The following SAMD12 variants were observed in gnomAD, a reference collection of about 807,000 sequenced individuals.
SAMD12 encodes sterile alpha motif domain-containing protein 12.
A neutral mutation model predicts 15.0 loss-of-function variants in SAMD12; 9 were observed. The observed-to-expected ratio is 0.60, with a 90% CI of 0.36 to 1.05. The LOEUF (loss-of-function observed/expected upper bound fraction) is 1.05. Among genes scored for constraint, SAMD12 ranks in the 50% least tolerant of loss-of-function variants. The pLI is 0.01. For synonymous variants in SAMD12, 86 were observed against 90.1 expected, an observed-to-expected ratio of 0.96 and a Z score of 0.25; for missense variants, 230 against 234.2, an observed-to-expected ratio of 0.98 and a Z score of 0.12.
chr8:118,240,205 T>G (rs955896179), intron 4 of SAMD12, among the ~76,000 whole-genome samples: 4 of 152,136 alleles, frequency 2.6e-5, no homozygotes, highest in African/African-American at 9.7e-5. Context: ...GCAAATATTC[T>G]AGCTCTGGTG....
chr8:118,581,334 T>C (rs541928543), intron 1 of SAMD12, among the ~76,000 whole-genome samples: 2 of 152,342 alleles, frequency 1.3e-5, no homozygotes, highest in East Asian at 3.9e-4. Flanking sequence ...GTCCACTCTC[T>C]TGCATTCATC....
chr8:118,438,773 T>A (rs1822649273), intron 3 of SAMD12, among the ~76,000 whole-genome samples: 1 of 152,166 alleles, frequency 6.6e-6, no homozygotes. Flanking sequence ...GGAAAGAGGT[T>A]TGTCATCGAG....
In SAMD12 at chr8:118,592,920, G is replaced by A. The variant is rs181223162; in HGVS notation, c.14-12027C>T. 4.0e-3 allele frequency among the ~76,000 whole-genome samples: 612 copies of A among 152,274 alleles called. 4 individuals are homozygous for A. The highest frequency in any genetic ancestry group is 0.014 in the African/African-American group (594 of 41,564). On this transcript the variant is annotated intron_variant, in intron 1 of 3. Coordinates refer to ENST00000314727, the MANE Select transcript of SAMD12 (RefSeq NM_207506.3). Reference sequence around the variant, plus strand: ...AAACAGAAGTATCTATCAAACCACAGAAATATGTAAAAGCCATGAGAGGTT... The same window carrying A: ...AAACAGAAGTATCTATCAAACCACAAAAATATGTAAAAGCCATGAGAGGTT...
intron 1 of SAMD12, among the ~76,000 whole-genome samples, chr8:118,592,427 G>A (rs1827605680): frequency 6.6e-6 from 1 of 151,962 alleles, no homozygotes; most frequent in Non-Finnish European, 1.5e-5. Context: ...GTAAATAATG[G>A]GCTTTGGAGT....
intron 4 of SAMD12, among the ~76,000 whole-genome samples, chr8:118,327,546 C>T (rs567246253): frequency 1.6e-4 from 24 of 151,940 alleles, no homozygotes; most frequent in Admixed American, 5.2e-4. Context: ...GGATAAATGT[C>T]GAGGAAGAGG....
intron 1 of SAMD12, among the ~76,000 whole-genome samples, chr8:118,582,867 G>C (rs1276792123): frequency 5.3e-5 from 8 of 150,972 alleles, no homozygotes; most frequent in Admixed American, 4.6e-4. Flanking sequence ...TTCAGAATTA[G>C]CTGATTTGCA....
chr8:118,196,359 T>G (rs1201978319), exon 5 of SAMD12: 8 of 152,322 alleles, frequency 5.3e-5, no homozygotes, highest in Admixed American at 3.3e-4. Context: ...GAGCTTTCCA[T>G]TCAACCAACT....
chr8:118,227,823 C>T (rs1812220744), intron 4 of SAMD12, among the ~76,000 whole-genome samples: 1 of 152,086 alleles, frequency 6.6e-6, no homozygotes, highest in African/African-American at 2.4e-5. Flanking sequence ...TTAGACATAG[C>T]CAAAGCAAGA....
intron 4 of SAMD12, among the ~76,000 whole-genome samples, chr8:118,332,834 T>C (rs1400111631): frequency 6.6e-6 from 1 of 152,194 alleles, no homozygotes; most frequent in East Asian, 1.9e-4. Context: ...CTCACCACCA[T>C]CTCTGGAATG....
chr8:118,146,647 G>A, the SAMD12 span, among the ~76,000 whole-genome samples: 10 of 152,172 alleles, frequency 6.6e-5, no homozygotes, highest in African/African-American at 2.4e-4. Context: ...CGGTAGGAGA[G>A]AAATCACAAG....
intron 2 of SAMD12, among the ~76,000 whole-genome samples, chr8:118,496,792 G>C (rs1429514431): frequency 2.6e-5 from 4 of 151,832 alleles, no homozygotes; most frequent in Non-Finnish European, 5.9e-5. Context: ...CTACAGAATG[G>C]GAGAAAATGC....
At chr8:118,377,140 T>C (rs1819429531), downstream of SAMD12, among the ~76,000 whole-genome samples, 1 of 152,216 alleles carries the variant, frequency 6.6e-6, no homozygotes, top group Non-Finnish European at 1.5e-5. Context: ...CTCACGCCTG[T>C]AATCCCAGCA....
intron 1 of SAMD12, 22 bp from the exon 2 acceptor site, chr8:118,580,915 A>C: frequency 1.3e-6 from 2 of 1,578,700 alleles, no homozygotes; most frequent in South Asian, 2.3e-5. Flanking sequence ...CAACAAATAG[A>C]ACTCAGAAAA....
intron 2 of SAMD12, among the ~76,000 whole-genome samples, chr8:118,519,287 G>A (rs1285306386): frequency 6.6e-6 from 1 of 152,108 alleles, no homozygotes; most frequent in African/African-American, 2.4e-5. Context: ...CAACACATAA[G>A]GTGAGCTACC....
intron 3 of SAMD12, among the ~76,000 whole-genome samples, chr8:118,408,157 C>A (rs555629752): frequency 9.9e-5 from 15 of 152,246 alleles, no homozygotes; most frequent in Non-Finnish European, 1.9e-4. Context: ...TAACTCCATA[C>A]CAGACTCCCT....
chr8:118,487,593 T>C (rs1429176298), intron 2 of SAMD12, among the ~76,000 whole-genome samples: 2 of 152,240 alleles, frequency 1.3e-5, no homozygotes, highest in Non-Finnish European at 2.9e-5. Context: ...GCAGTTTTAT[T>C]GAGCCTTTAA....
intron 4 of SAMD12, among the ~76,000 whole-genome samples, chr8:118,269,240 G>C (rs1036322231): frequency 2.3e-4 from 34 of 151,078 alleles, no homozygotes; most frequent in African/African-American, 7.3e-4. Context: ...GTGTGTGTGT[G>C]TGTGTGTGTG....
intron 4 of SAMD12, among the ~76,000 whole-genome samples, chr8:118,271,281 TAA>T (rs1388120696): frequency 6.6e-6 from 1 of 152,094 alleles, no homozygotes; most frequent in East Asian, 1.9e-4. Context: ...AAGCCTCTTA[TAA>T]AACCATCAGC....
the SAMD12 span, among the ~76,000 whole-genome samples, chr8:118,144,768 T>C: frequency 1.3e-5 from 2 of 151,948 alleles, no homozygotes; most frequent in Admixed American, 6.6e-5. Context: ...TGAGATTGGG[T>C]TAAAGGTGAG....
Sources: gnomAD v4.1 joint callset for allele counts (sites outside exome capture counted in the v4.1 genomes callset) on GRCh38, gnomAD v4.1.1 for gene constraint, MANE v1.5 for transcripts, NCBI Gene and HGNC (gene_info 2026-07-23, HGNC 2026-07-21) for gene names.